Variants in MACROD2 observed in about 807,000 individuals in gnomAD.
MACROD2 encodes the protein ADP-ribose glycohydrolase MACROD2.
A neutral mutation model predicts 70.4 loss-of-function variants in MACROD2; 36 were observed. The observed-to-expected ratio is 0.51, with a 90% CI of 0.39 to 0.68. MACROD2 has a LOEUF of 0.68. Ranked by LOEUF, MACROD2 falls within the 30% of genes least tolerant of loss-of-function variation. MACROD2 has a pLI of 0.00. For synonymous variants in MACROD2, 172 were observed against 178.8 expected (o/e 0.96, Z 0.30); for missense variants, 496 against 538.4 (o/e 0.92, Z 0.78).
At chr20:14,232,244 T>C (rs1017222133) in intron 3 of MACROD2, among the ~76,000 whole-genome samples, 3 of 152,222 alleles carry the variant, frequency 2.0e-5, no homozygotes, top group Non-Finnish European at 4.4e-5. Flanking sequence ...CCTACGATAT[T>C]TAGAATGTTA....
intron 3 of MACROD2, among the ~76,000 whole-genome samples, chr20:14,459,930 G>T (rs1436201479): frequency 6.6e-6 from 1 of 151,984 alleles, no homozygotes; most frequent in African/African-American, 2.4e-5. Context: ...CTGTGTCTAT[G>T]TATTTTCATT....
intron 3 of MACROD2, among the ~76,000 whole-genome samples, chr20:14,149,235 A>G (rs1314636912): frequency 6.6e-6 from 1 of 151,866 alleles, no homozygotes; most frequent in South Asian, 2.1e-4. Context: ...CCCACTTACA[A>G]GTGAGAACAT....
At chr20:14,414,240 T>G (rs34085437) in intron 3 of MACROD2, among the ~76,000 whole-genome samples, 28 of 152,058 alleles carry the variant, frequency 1.8e-4, no homozygotes, top group Non-Finnish European at 4.4e-5. Context: ...CCTGACCTGC[T>G]CCAAACCTGC....
intron 5 of MACROD2, among the ~76,000 whole-genome samples, chr20:14,922,654 A>G (rs2074177999): frequency 1.3e-5 from 2 of 152,164 alleles, no homozygotes; most frequent in Admixed American, 6.5e-5. Context: ...GGTATCCACA[A>G]GGAAAGGCGA....
chr20:15,294,713 A>G (rs563769132), intron 6 of MACROD2, among the ~76,000 whole-genome samples: 5 of 152,216 alleles, frequency 3.3e-5, no homozygotes, highest in African/African-American at 7.2e-5. Context: ...AGCTGCAGCT[A>G]TGTGCCCAGA....
intron 6 of MACROD2, among the ~76,000 whole-genome samples, chr20:15,268,543 A>G (rs187448414): frequency 1.1e-4 from 16 of 152,194 alleles, no homozygotes; most frequent in Non-Finnish European, 4.4e-5. Flanking sequence ...AATCCTAGCT[A>G]CTCAGGAGGC....
chr20:14,495,906 A>G (rs548571754), intron 4 of MACROD2, among the ~76,000 whole-genome samples: 7 of 152,186 alleles, frequency 4.6e-5, no homozygotes, highest in Non-Finnish European at 1.0e-4. Context: ...AGTATTTAAG[A>G]TGGTTGTAAT....
chr20:14,168,626 A>G (rs974859031), intron 3 of MACROD2, among the ~76,000 whole-genome samples: 1 of 152,172 alleles, frequency 6.6e-6, no homozygotes, highest in Admixed American at 6.5e-5. Context: ...GTACAGTTCT[A>G]TGGGCTTTGC....
At chr20:14,579,157 C>T (rs1434574377) in intron 4 of MACROD2, among the ~76,000 whole-genome samples, 2 of 96,106 alleles carry the variant, frequency 2.1e-5, no homozygotes, top group Admixed American at 1.7e-4. Context: ...TTTTTTGAGA[C>T]GGAGTCTCGC....
At chr20:14,897,853 G>A (rs578122025) in intron 5 of MACROD2, among the ~76,000 whole-genome samples, 26 of 152,172 alleles carry the variant, frequency 1.7e-4, no homozygotes, top group African/African-American at 4.8e-4. Flanking sequence ...ATAGATGGCC[G>A]TCTTCTCATT....
intron 5 of MACROD2, among the ~76,000 whole-genome samples, chr20:14,716,392 GGA>G (rs1267731943): frequency 5.3e-5 from 8 of 152,150 alleles, no homozygotes; most frequent in African/African-American, 1.4e-4. Context: ...TGATCACAGG[GGA>G]GTGAGCAGGC....
chr20:14,672,059 A>T (rs1419808560), intron 4 of MACROD2, among the ~76,000 whole-genome samples: 1 of 152,030 alleles, frequency 6.6e-6, no homozygotes, highest in African/African-American at 2.4e-5. Context: ...ATCCCTTCTG[A>T]TGAGGATGAT....
chr20:15,138,175 A>G (rs1378340148), intron 5 of MACROD2, among the ~76,000 whole-genome samples: 1 of 152,184 alleles, frequency 6.6e-6, no homozygotes, highest in Non-Finnish European at 1.5e-5. Context: ...CTATTAATAC[A>G]CAGAAGATTC....
chr20:14,710,813 C>T (rs1330334275), intron 5 of MACROD2, among the ~76,000 whole-genome samples: 3 of 152,114 alleles, frequency 2.0e-5, no homozygotes, highest in Non-Finnish European at 4.4e-5. Context: ...TGCAAAAAAA[C>T]ACATGCAACT....
intron 3 of MACROD2, among the ~76,000 whole-genome samples, chr20:14,267,499 C>G (rs1271281423): frequency 6.6e-6 from 1 of 152,034 alleles, no homozygotes; most frequent in Non-Finnish European, 1.5e-5. Flanking sequence ...TAATCTTTCT[C>G]AAGTATCTAT....
At chr20:15,677,561 A>T (rs905520778) in intron 8 of MACROD2, among the ~76,000 whole-genome samples, 2 of 152,076 alleles carry the variant, frequency 1.3e-5, no homozygotes, top group African/African-American at 4.8e-5. Flanking sequence ...ATAGCTGTGG[A>T]TAGAGAAGAG....
At chr20:14,136,520 G>GT (rs1569174614) in intron 3 of MACROD2, among the ~76,000 whole-genome samples, 1 of 152,118 alleles carries the variant, frequency 6.6e-6, no homozygotes, top group Non-Finnish European at 1.5e-5. Context: ...AACTGTTAAT[G>GT]TAAGGCAGCG....
intron 5 of MACROD2, among the ~76,000 whole-genome samples, chr20:14,919,724 A>T (rs930269299): frequency 4.6e-5 from 7 of 152,224 alleles, no homozygotes; most frequent in African/African-American, 1.7e-4. Flanking sequence ...TCTTCCAGGA[A>T]ATCAAGTTGA....
chr20:15,874,068 C>CT (rs747366053), intron 9 of MACROD2, among the ~76,000 whole-genome samples: 6 of 124,708 alleles, frequency 4.8e-5, no homozygotes, highest in Non-Finnish European at 1.0e-4. Flanking sequence ...TCCCCCAGCC[C>CT]CCCCACCCCC....
Sources: gnomAD v4.1 joint callset for allele counts (sites outside exome capture counted in the v4.1 genomes callset) on GRCh38, gnomAD v4.1.1 for gene constraint, MANE v1.5 for transcripts, NCBI Gene and HGNC (gene_info 2026-07-23, HGNC 2026-07-21) for gene names.